SMPD2: variants seen among roughly 807,000 people sequenced by gnomAD.
The protein encoded by SMPD2 is sphingomyelin phosphodiesterase 2, also known as N-SMase.
A neutral mutation model predicts 41.7 loss-of-function variants in SMPD2; 35 were observed. The observed-to-expected ratio is 0.84, with a 90% confidence interval of 0.64 to 1.11. The LOEUF (loss-of-function observed/expected upper bound fraction) is 1.11, where lower values mean the gene tolerates loss of function less well. SMPD2 is among the 50% of genes most tolerant of loss of function. The pLI, the probability that SMPD2 is intolerant of heterozygous loss-of-function variation, is 0.00. For missense variants in SMPD2, 520 were observed against 524.8 expected (o/e 0.99, Z 0.09); for synonymous variants, 201 against 208.2 (o/e 0.97, Z 0.30).
chr6:109,441,730 C>T (rs776793001), intron 3 of SMPD2, 102 bp downstream of exon 3: 26 of 1,102,934 alleles, frequency 2.4e-5, no homozygotes, highest in Non-Finnish European at 3.2e-5. Context: ...CCTCCAGCCT[C>T]CTCTCCCTCT....
At position 109,442,298 on chromosome 6, in the gene SMPD2, A is replaced by G; in HGVS notation, c.407A>G (p.His136Arg). ...SGMVLNAYVT[H>R]LHAEYNRQKD... ...ATGGTGCTCAACGCCTATGTGACCC[A>G]TGTGAGTGAAGCTGGCAGTGCCTAG... Residue 136 changes from histidine (H) to arginine (R), a missense_variant and splice_region_variant, in exon 5 of 10, where the codon CAT becomes CGT. Physicochemically the swap from His to Arg is conservative, Grantham distance 29. Coordinates refer to ENST00000258052, the MANE Select transcript of SMPD2 (RefSeq NM_003080.3). 9 of 1,613,864 alleles carry G rather than the reference A, an allele frequency of 5.6e-6. No homozygotes were observed. The highest frequency in any genetic ancestry group is 6.8e-6 in the Non-Finnish European group (8 of 1,179,730).
At chr6:109,441,685 C>T (rs1774895840) in intron 3 of SMPD2, 57 bp downstream of exon 3, 5 of 1,493,154 alleles carry the variant, frequency 3.3e-6, no homozygotes, top group African/African-American at 1.4e-5. Context: ...TTGGCCCTGC[C>T]AGCCCTTCCC....
chr6:109,443,453 C>A (rs745876474), intron 9 of SMPD2, 33 bp downstream of exon 9: 4 of 1,611,268 alleles, frequency 2.5e-6, no homozygotes, highest in African/African-American at 2.7e-5. Context: ...TTGGCCCTTG[C>A]CCCGCTTGAA....
chr6:109,441,416 T>TAAA lies in SMPD2; in HGVS notation c.110_111insAAA (p.Leu37_Asn38insLys). On this transcript the variant is annotated inframe_insertion, in exon 2 of 10. Coordinates refer to ENST00000258052, the MANE Select transcript of SMPD2 (RefSeq NM_003080.3). ...CGCATGAGGCGCCTGGGAGACTTTC[T>TAAA]GAACCAGGAGAGCTTCGACCTGGCT... 11 of 1,614,216 alleles carry TAAA rather than the reference T, an allele frequency of 6.8e-6. No individual in the cohort carries two copies. Among genetic ancestry groups the TAAA allele is most frequent in the Non-Finnish European group, 9.3e-6 (11 of 1,180,028 alleles).
At chr6:109,441,659 T>A (rs1221931538) in intron 3 of SMPD2, 31 bp downstream of exon 3, 20 of 1,604,282 alleles carry the variant, frequency 1.2e-5, no homozygotes, top group South Asian at 3.3e-5. Context: ...AAGCCTGTTG[T>A]CATCCCAGGA....
rs1056435921 is a variant in SMPD2, at chr6:109,443,431, C to T, written c.883+11C>T. 3.1e-6 allele frequency: 5 copies of T among 1,613,148 alleles called. No individual in the cohort carries two copies. Among genetic ancestry groups the T allele is most frequent in the African/African-American group, 2.7e-5 (2 of 74,910 alleles). On this transcript the variant is annotated intron_variant, in intron 9 of 9. Coordinates refer to ENST00000258052, the MANE Select transcript of SMPD2 (RefSeq NM_003080.3). ...CCAGCTCTACCCACGGTGAGTCACC[C>T]CCACCCTTTCCTTGGCCCTTGCCCC...
intron 2 of SMPD2, 26 bp from the exon 3 acceptor site, chr6:109,441,526 G>C: frequency 6.2e-7 from 1 of 1,613,906 alleles, no homozygotes; most frequent in Non-Finnish European, 8.5e-7. Flanking sequence ...GAAAGACCAA[G>C]CAGGCATCCT....
chr6:109,441,524 A>C (rs1176192761), intron 2 of SMPD2, 28 bp from the exon 3 acceptor site: 3 of 1,613,886 alleles, frequency 1.9e-6, no homozygotes, highest in Non-Finnish European at 2.5e-6. Flanking sequence ...GGGAAAGACC[A>C]AGCAGGCATC....
chr6:109,443,494 C>G (rs774562599), intron 9 of SMPD2, 23 bp from the exon 10 acceptor site: 2 of 1,608,234 alleles, frequency 1.2e-6, no homozygotes, highest in Admixed American at 3.3e-5. Context: ...TCTCTCCTGC[C>G]CCACTGCCCT....
In SMPD2 at chr6:109,441,131, A is replaced by C; in HGVS notation, c.10A>C (p.Asn4His). The change falls in exon 1 of 10, where the codon AAC becomes CAC. Residue 4 changes from asparagine to histidine, a missense_variant. Physicochemically the swap from Asn to His is moderately conservative, Grantham distance 68. Coordinates refer to ENST00000258052, the MANE Select transcript of SMPD2 (RefSeq NM_003080.3). MKP[N>H]FSLRLRIFNL... ...CTGGAGCTCCCCAACCATGAAGCCC[A>C]ACTTCTCCCTGCGACTGCGGATCTT... is the stretch of plus-strand genomic sequence containing the variant. 2.5e-6 allele frequency: 4 copies of C among 1,614,110 alleles called. No homozygotes were observed. Among genetic ancestry groups the C allele is most frequent in the Non-Finnish European group, 3.4e-6 (4 of 1,180,008 alleles).
In SMPD2 at chr6:109,442,777, G is replaced by A; in HGVS notation, c.517G>A (p.Val173Ile). The part of the protein sequence containing the change: ...IHHTSKKADV[V>I]LLCGDLNMHP... ...CCACACATCCAAGAAGGCAGACGTGGTTCTGTTGTGTGGAGACCTCAACAT... is the reference window on the plus strand; with the variant it reads ...CCACACATCCAAGAAGGCAGACGTGATTCTGTTGTGTGGAGACCTCAACAT... Residue 173 changes from valine to isoleucine, a missense_variant, in exon 7 of 10, where the codon GTT (valine) becomes ATT (isoleucine). Physicochemically the swap from Val to Ile is conservative, Grantham distance 29 (BLOSUM62 3). Transcript: ENST00000258052. The A allele has an allele frequency of 1.2e-6, 2 of 1,614,156 alleles. No homozygotes were observed. The highest frequency in any genetic ancestry group is 1.7e-6 in the Non-Finnish European group (2 of 1,180,038).
In SMPD2 at chr6:109,443,863, A is replaced by C; in HGVS notation, c.1230A>C (p.Leu410=). ...TGGGCCCAGAGCCTCAGCCAGCCCT[A>C]CTCCTGGGGCAGCAGGAGGGGGACA... ...QDLGPEPQPA[L]LLGQQEGDRT... Residue 410 remains leucine, a synonymous_variant, in exon 10 of 10, where the codon CTA becomes CTC. Coordinates refer to ENST00000258052, the MANE Select transcript of SMPD2 (RefSeq NM_003080.3). The C allele has an allele frequency of 6.2e-7, 1 of 1,612,838 alleles. No individual in the cohort carries two copies. The highest frequency in any genetic ancestry group is 8.5e-7 in the Non-Finnish European group (1 of 1,179,670).
rs199932486 is a variant in SMPD2, at chr6:109,442,628, G to C, written c.491+3G>C. The C allele has an allele frequency of 2.7e-3, 4,323 of 1,614,200 alleles. 13 individuals carry two copies. Among genetic ancestry groups the C allele is most frequent in the Non-Finnish European group, 2.9e-3 (3,465 of 1,180,036 alleles). The stretch of plus-strand genomic sequence containing the variant: ...TGGGAATTGGCCCAGTTCATCCAGT[G>C]TGTGAGCCTGGGCTTGAAATGGGAA... On this transcript the variant is annotated splice_donor_region_variant and intron_variant, in intron 6 of 9. Coordinates refer to ENST00000258052, the MANE Select transcript of SMPD2 (RefSeq NM_003080.3).
chr6:109,441,662 TC>T, intron 3 of SMPD2, 34 bp downstream of exon 3: 1 of 1,601,986 alleles, frequency 6.2e-7, no homozygotes, highest in Non-Finnish European at 8.6e-7. Context: ...CCTGTTGTCA[TC>T]CCAGGAGGCT....
At chr6:109,441,752 A>G in intron 3 of SMPD2, 124 bp downstream of exon 3, 1 of 1,007,312 alleles carries the variant, frequency 9.9e-7, no homozygotes. Flanking sequence ...GATGTGAGAG[A>G]AGGAGAAGGG....
At position 109,443,837 on chromosome 6, in the gene SMPD2, C is replaced by G. The variant is rs374708897; in HGVS notation, c.1204C>G (p.Leu402Val). 6 of 1,613,794 alleles carry G rather than the reference C, an allele frequency of 3.7e-6. No individual in the cohort carries two copies. In the African/African-American group the frequency reaches 8.0e-5, roughly 22 times the overall value. Residue 402 changes from leucine (L) to valine (V), a missense_variant, in exon 10 of 10, where the codon CTG becomes GTG. Leu to Val is a conservative substitution (Grantham distance 32). Transcript: ENST00000258052. The part of the protein sequence containing the change: ...VLGRAREAQD[L>V]GPEPQPALLL... The stretch of plus-strand genomic sequence containing the variant: ...AGGAAGGGCAAGGGAGGCCCAGGAT[C>G]TGGGCCCAGAGCCTCAGCCAGCCCT...
rs1294182013 is a variant in SMPD2 at position 109,441,623 on chromosome 6, C to T, written c.219C>T (p.Phe73=). 3 of 1,613,960 alleles carry T rather than the reference C, an allele frequency of 1.9e-6. No individual in the cohort carries two copies. Among genetic ancestry groups the T allele is most frequent in the African/African-American group, 2.7e-5 (2 of 74,948 alleles). ...LSPTYPAAHH[F]RSGIIGSGLC... The stretch of plus-strand genomic sequence containing the variant: ...CTACCTACCCAGCTGCACACCACTT[C>T]CGGAGGTGAGAAGCCCACTGGCCTG... The change falls in exon 3 of 10, where the codon TTC becomes TTT. Residue 73 remains phenylalanine (F), a synonymous_variant. Coordinates refer to ENST00000258052, the MANE Select transcript of SMPD2 (RefSeq NM_003080.3).
chr6:109,441,360 C>T lies in SMPD2; in HGVS notation c.54C>T (p.Gly18=). 6.2e-7 allele frequency: 1 copy of T among 1,613,560 alleles called. No homozygotes were observed. The highest frequency in any genetic ancestry group is 2.2e-5 in the East Asian group (1 of 44,886). ...GCCCCGCTCTTCCCTTCCTTAGGGG[C>T]ATTCCGTACTTGAGCAAGCACCGGG... ...RLRIFNLNCW[G]IPYLSKHRAD... Residue 18 remains glycine (G), a synonymous_variant, in exon 2 of 10, where the codon GGC becomes GGT. Coordinates refer to ENST00000258052, the MANE Select transcript of SMPD2 (RefSeq NM_003080.3).
In SMPD2 at chr6:109,441,453, G is replaced by A. The variant is rs1358143591; in HGVS notation, c.147G>A (p.Glu49=). 6.2e-7 allele frequency: 1 copy of A among 1,614,032 alleles called. No individual in the cohort carries two copies. The highest frequency in any genetic ancestry group is 8.5e-7 in the Non-Finnish European group (1 of 1,179,866). ...GCTTCGACCTGGCTTTGCTGGAGGA[G>A]GTGAGATTGTGCAGCACGGTGCGGA... The part of the protein sequence containing the change: ...QESFDLALLE[E]VWSEQDFQYL... The change falls in exon 2 of 10, where the codon GAG becomes GAA. Residue 49 remains glutamate (E), a splice_region_variant and synonymous_variant. Transcript: ENST00000258052.
Sources: allele counts gnomAD v4.1 joint callset, GRCh38; gene constraint gnomAD v4.1.1; transcripts MANE v1.5; gene names NCBI Gene and HGNC (gene_info 2026-07-23, HGNC 2026-07-21).